Variants in DEUP1 observed in about 807,000 individuals in gnomAD.
DEUP1 encodes coiled-coil domain containing 67.
DEUP1 carries 82 observed loss-of-function variants against 87.4 expected under a neutral mutation model. That is an observed-to-expected ratio of 0.94 (90% CI 0.78 to 1.13). DEUP1 has a LOEUF of 1.13. Ranked by LOEUF, DEUP1 falls within the 50% of genes most tolerant of loss-of-function variation. The pLI is 0.00. For missense variants in DEUP1, 663 were observed against 681.5 expected (o/e 0.97, Z 0.30); for synonymous variants, 214 against 222.7 (o/e 0.96, Z 0.35).
chr11:93,333,660 T>C (rs868095211), intron 2 of DEUP1, among the ~76,000 whole-genome samples: 8 of 152,168 alleles, frequency 5.3e-5, no homozygotes, highest in Non-Finnish European at 1.0e-4. Context: ...CTCTACCACA[T>C]TGAGGCTCAG....
At chr11:93,382,279 A>G (rs992941047) in intron 7 of DEUP1, among the ~76,000 whole-genome samples, 1 of 152,238 alleles carries the variant, frequency 6.6e-6, no homozygotes, top group Admixed American at 6.5e-5. Flanking sequence ...TTTTAGATTT[A>G]TCAATATCAA....
chr11:93,402,456 C>CA (rs35223745), intron 11 of DEUP1, among the ~76,000 whole-genome samples: 4 of 151,840 alleles, frequency 2.6e-5, no homozygotes, highest in African/African-American at 9.7e-5. Context: ...AAAGTTTCCT[C>CA]AAAAAACTAA....
chr11:93,340,009 C>G (rs1163228016), intron 2 of DEUP1, among the ~76,000 whole-genome samples: 1 of 152,024 alleles, frequency 6.6e-6, no homozygotes, highest in Non-Finnish European at 1.5e-5. Flanking sequence ...TAATATAATA[C>G]CCAAGCAAAT....
At position 93,403,539 on chromosome 11, in the gene DEUP1, T is replaced by C. The variant is rs117190620; in HGVS notation, c.1327-4692T>C. On this transcript the variant is annotated intron_variant, in intron 11 of 13. Coordinates refer to ENST00000298050, the MANE Select transcript of DEUP1 (RefSeq NM_181645.4). ...TATTCTGTTTATAATTCCTTTCTTA[T>C]TTCTAAGCTTGTATAGTTTAGCATG... 7.1e-3 allele frequency among the ~76,000 whole-genome samples: 1,073 copies of C among 151,998 alleles called. 6 individuals are homozygous for C. Among genetic ancestry groups the C allele is most frequent in the Non-Finnish European group, 9.7e-3 (661 of 67,870 alleles).
In DEUP1 at chr11:93,371,045, C is replaced by T; in HGVS notation, c.554C>T (p.Ala185Val). The change falls in exon 7 of 14, where the codon GCA (alanine) becomes GTA (valine). Residue 185 changes from alanine (A) to valine (V), a missense_variant. Ala to Val is a moderately conservative substitution (Grantham distance 64). Coordinates refer to ENST00000298050, the MANE Select transcript of DEUP1 (RefSeq NM_181645.4). ...SEKCNQFQKQAQSYQTQLNGK... is the reference protein window; with the variant it reads ...SEKCNQFQKQVQSYQTQLNGK... Reference sequence around the variant, plus strand: ...AGTTTTTATATTTTTCAGAAACAGGCACAAAGTTACCAAACTCAACTAAAT... The same window carrying T: ...AGTTTTTATATTTTTCAGAAACAGGTACAAAGTTACCAAACTCAACTAAAT... The T allele has an allele frequency of 6.2e-7, 1 of 1,609,356 alleles. No homozygotes were observed. The highest frequency in any genetic ancestry group is 8.5e-7 in the Non-Finnish European group (1 of 1,177,572).
intron 8 of DEUP1, among the ~76,000 whole-genome samples, chr11:93,388,485 C>CTAATAT (rs1370836742): frequency 2.0e-5 from 3 of 152,132 alleles, no homozygotes; most frequent in Non-Finnish European, 4.4e-5. Flanking sequence ...CTTTTCTCCT[C>CTAATAT]TAATATTAAT....
At chr11:93,419,746 T>C (rs1947803634) in intron 13 of DEUP1, among the ~76,000 whole-genome samples, 3 of 152,150 alleles carry the variant, frequency 2.0e-5, no homozygotes. Context: ...TGTGTTTATG[T>C]CAACAGTTGG....
chr11:93,383,415 C>A (rs1342736169), intron 7 of DEUP1: 1 of 441,304 alleles, frequency 2.3e-6, no homozygotes, highest in Non-Finnish European at 4.0e-6. Context: ...CTAGAATAGG[C>A]AATTCCATAG....
chr11:93,433,358 CT>C (rs1565357191), intron 13 of DEUP1, among the ~76,000 whole-genome samples: 1 of 152,036 alleles, frequency 6.6e-6, no homozygotes, highest in African/African-American at 2.4e-5. Context: ...TCTATAAAAA[CT>C]TTTTTAAAAA....
intron 13 of DEUP1, among the ~76,000 whole-genome samples, chr11:93,430,019 G>A (rs1488770846): frequency 2.6e-5 from 4 of 152,026 alleles, no homozygotes; most frequent in Non-Finnish European, 4.4e-5. Flanking sequence ...GACTACTGCC[G>A]ATCTTCTAGT....
At chr11:93,359,054 GAGAA>G (rs759850332) in intron 4 of DEUP1, among the ~76,000 whole-genome samples, 9 of 152,190 alleles carry the variant, frequency 5.9e-5, no homozygotes, top group Non-Finnish European at 1.2e-4. Context: ...GAGAGCAAAA[GAGAA>G]GGAAGGAGGA....
Position 93,385,516 on chromosome 11 carries a change from G to A in DEUP1, c.908G>A (p.Cys303Tyr). The change falls in exon 8 of 14, where the codon TGC (cysteine) becomes TAC (tyrosine). Residue 303 changes from cysteine (C) to tyrosine (Y), a missense_variant. Transcript: ENST00000298050. Reference sequence around the variant, plus strand: ...AGAGAATTATTAAAAATAGGAGAGTGCCAAAATGCTCAAGGAAATAAAACA... The same window carrying A: ...AGAGAATTATTAAAAATAGGAGAGTACCAAAATGCTCAAGGAAATAAAACA... The part of the protein sequence containing the change: ...LHRELLKIGE[C>Y]QNAQGNKTRL... The A allele has an allele frequency of 6.2e-7, 1 of 1,607,070 alleles. No homozygotes were observed. The highest frequency in any genetic ancestry group is 1.3e-5 in the African/African-American group (1 of 74,576).
intron 5 of DEUP1, among the ~76,000 whole-genome samples, chr11:93,366,834 C>G (rs928781782): frequency 6.6e-6 from 1 of 152,158 alleles, no homozygotes; most frequent in Non-Finnish European, 1.5e-5. Context: ...TTTCTATTAT[C>G]TAAAACCTGT....
At chr11:93,395,345 A>G (rs143338254) in intron 10 of DEUP1, among the ~76,000 whole-genome samples, 1 of 152,304 alleles carries the variant, frequency 6.6e-6, no homozygotes, top group Non-Finnish European at 1.5e-5. Flanking sequence ...TGAGAGCATC[A>G]TTTAATAATT....
At position 93,409,709 on chromosome 11, in the gene DEUP1, C is replaced by A. The variant is rs141108270; in HGVS notation, c.1523+1282C>A. 1.2e-3 allele frequency among the ~76,000 whole-genome samples: 188 copies of A among 152,188 alleles called. 1 individual carries two copies. Among genetic ancestry groups the A allele is most frequent in the African/African-American group, 4.0e-3 (165 of 41,514 alleles). On this transcript the variant is annotated intron_variant, in intron 12 of 13. Coordinates refer to ENST00000298050, the MANE Select transcript of DEUP1 (RefSeq NM_181645.4). Reference sequence around the variant, plus strand: ...TACATAACAGAAATAATATTCACAGCCCTGGAAAATTTTCTTAACCTTTGT... The same window carrying A: ...TACATAACAGAAATAATATTCACAGACCTGGAAAATTTTCTTAACCTTTGT...
At chr11:93,364,030 A>G (rs1945298723) in intron 4 of DEUP1, 130 bp from the exon 5 acceptor site, 10 of 653,954 alleles carry the variant, frequency 1.5e-5, no homozygotes, top group Non-Finnish European at 2.6e-5. Flanking sequence ...ACTAATTGAA[A>G]CATTTAAGCT....
chr11:93,391,438 C>G (rs987031882), intron 9 of DEUP1, among the ~76,000 whole-genome samples: 1 of 151,664 alleles, frequency 6.6e-6, no homozygotes, highest in African/African-American at 2.4e-5. Flanking sequence ...GGCCAGGTGC[C>G]GTGGCTCACG....
At chr11:93,372,155 C>G (rs1269976344) in intron 7 of DEUP1, among the ~76,000 whole-genome samples, 2 of 152,004 alleles carry the variant, frequency 1.3e-5, no homozygotes, top group Non-Finnish European at 1.5e-5. Context: ...GTCTCGATCT[C>G]CTGACCTCGT....
At chr11:93,396,416 T>A in intron 11 of DEUP1, 91 bp downstream of exon 11, 1 of 764,868 alleles carries the variant, frequency 1.3e-6, no homozygotes, top group Non-Finnish European at 2.1e-6. Flanking sequence ...GCACTTGCTG[T>A]GTGTTAGACA....
Sources: gnomAD v4.1 joint callset for allele counts (sites outside exome capture counted in the v4.1 genomes callset) on GRCh38, gnomAD v4.1.1 for gene constraint, MANE v1.5 for transcripts, NCBI Gene and HGNC (gene_info 2026-07-23, HGNC 2026-07-21) for gene names.